SNX29: variants seen among roughly 807,000 people sequenced by gnomAD.
SNX29 encodes sorting nexin-29.
Under a neutral mutation model 102.1 loss-of-function variants are expected in SNX29, and 78 were observed. That is an observed-to-expected ratio of 0.76 (90% CI 0.64 to 0.92). The LOEUF is 0.92. SNX29 is among the 40% of genes least tolerant of loss of function. SNX29 has a pLI of 0.00. For missense variants in SNX29, 1,280 were observed against 1,061.7 expected (o/e 1.21, Z -2.86); for synonymous variants, 580 against 414.5 (o/e 1.40, Z -4.85).
rs554197713 is a variant in SNX29 at position 12,559,379 on chromosome 16, C to T, written c.2319-9127C>T. On this transcript the variant is annotated intron_variant, in intron 20 of 20. Coordinates refer to ENST00000566228, the MANE Select transcript of SNX29 (RefSeq NM_032167.5). ...GAGAATCTCATGCCTGATGATCTCT[C>T]ACCCTCTCCCATCGCCCCCTGAAGG... Among the ~76,000 whole-genome samples the T allele has an allele frequency of 2.6e-5, 4 of 151,564 alleles. No individual in the cohort carries two copies. The East Asian group carries it at 5.8e-4, about 22-fold the overall frequency.
At chr16:12,232,293 G>A (rs2077792642) in intron 14 of SNX29, among the ~76,000 whole-genome samples, 1 of 152,196 alleles carries the variant, frequency 6.6e-6, no homozygotes, top group African/African-American at 2.4e-5. Flanking sequence ...TTGGGAGGCC[G>A]AGGTGGGCAA....
intron 16 of SNX29, among the ~76,000 whole-genome samples, chr16:12,387,103 C>T (rs927144511): frequency 2.0e-5 from 3 of 148,428 alleles, no homozygotes; most frequent in East Asian, 2.0e-4. Flanking sequence ...CCAGCCTGGG[C>T]GACAGAGTGA....
intron 16 of SNX29, among the ~76,000 whole-genome samples, chr16:12,359,678 T>C (rs2082246082): frequency 6.6e-6 from 1 of 152,232 alleles, no homozygotes; most frequent in African/African-American, 2.4e-5. Context: ...CTCAAGGTCA[T>C]TCTTGCTTTG....
rs181854937 is a variant in SNX29 at position 12,022,589 on chromosome 16, C to T, written c.123-4731C>T. ...AGCATTTCCATTATCCCCCCAAATT[C>T]CCTTGTGCTAGTTAACACTTAATCC... On this transcript the variant is annotated intron_variant, in intron 3 of 20. Coordinates refer to ENST00000566228, the MANE Select transcript of SNX29 (RefSeq NM_032167.5). Among the ~76,000 whole-genome samples, 61 of 152,258 alleles carry T rather than the reference C, an allele frequency of 4.0e-4. 1 individual carries two copies. Among genetic ancestry groups the T allele is most frequent in the Admixed American group, 7.9e-4 (12 of 15,282 alleles).
intron 15 of SNX29, among the ~76,000 whole-genome samples, chr16:12,351,551 T>G (rs187599534): frequency 1.3e-5 from 2 of 152,308 alleles, no homozygotes; most frequent in Admixed American, 1.3e-4. Flanking sequence ...GGAGGGAACA[T>G]TCTGATATGA....
chr16:12,570,634 C>T lies in SNX29; in HGVS notation c.*2005C>T, dbSNP rs761185623. 7 of 232,138 alleles carry T rather than the reference C, an allele frequency of 3.0e-5. No homozygotes were observed. Among genetic ancestry groups the T allele is most frequent in the Non-Finnish European group, 6.0e-5 (7 of 117,456 alleles). The allele number at this position is 232,138 out of a possible 1,614,324, so 14.4% of individuals were successfully genotyped here. On this transcript the variant is annotated 3_prime_UTR_variant, in exon 21 of 21. Transcript: ENST00000566228. ...CCTGTTCTCTGTTGGATAAAGGAAC[C>T]TCCCCCATCTGTGACATTCCCTTGG...
At chr16:12,358,431 A>G (rs942607100) in intron 16 of SNX29, among the ~76,000 whole-genome samples, 1 of 152,116 alleles carries the variant, frequency 6.6e-6, no homozygotes, top group Non-Finnish European at 1.5e-5. Flanking sequence ...TTAGCCAGGC[A>G]TGTGGTGGGC....
intron 20 of SNX29, among the ~76,000 whole-genome samples, chr16:12,532,589 C>T (rs1322717031): frequency 2.0e-5 from 3 of 152,004 alleles, no homozygotes; most frequent in Admixed American, 6.5e-5. Context: ...ATCTGAAATC[C>T]CAGTCTGTCT....
At chr16:12,289,565 C>G (rs1342840895) in intron 15 of SNX29, among the ~76,000 whole-genome samples, 1 of 152,182 alleles carries the variant, frequency 6.6e-6, no homozygotes, top group East Asian at 1.9e-4. Flanking sequence ...TTCTGTTTCG[C>G]TTCCATTTCT....
At chr16:12,479,296 C>G (rs1424125483) in intron 19 of SNX29, among the ~76,000 whole-genome samples, 1 of 152,224 alleles carries the variant, frequency 6.6e-6, no homozygotes, top group African/African-American at 2.4e-5. Flanking sequence ...TCAGGAGGTA[C>G]CGTGCTAGCA....
chr16:12,328,836 A>G (rs2081202699), intron 15 of SNX29, among the ~76,000 whole-genome samples: 1 of 152,178 alleles, frequency 6.6e-6, no homozygotes, highest in South Asian at 2.1e-4. Context: ...CATGTAACAG[A>G]CAATTCTGAG....
At chr16:12,329,748 G>A (rs2081240957) in intron 15 of SNX29, among the ~76,000 whole-genome samples, 1 of 152,226 alleles carries the variant, frequency 6.6e-6, no homozygotes, top group African/African-American at 2.4e-5. Flanking sequence ...TGGGATTGAG[G>A]TGTTGGCACA....
At chr16:12,460,323 G>C (rs1180391790) in intron 18 of SNX29, among the ~76,000 whole-genome samples, 1 of 152,210 alleles carries the variant, frequency 6.6e-6, no homozygotes, top group Non-Finnish European at 1.5e-5. Flanking sequence ...AGAGTTGAGT[G>C]CCTTGCTTGT....
intron 1 of SNX29, among the ~76,000 whole-genome samples, chr16:11,988,578 T>C (rs2055722784): frequency 6.6e-6 from 1 of 152,096 alleles, no homozygotes; most frequent in Non-Finnish European, 1.5e-5. Flanking sequence ...TAAAAAACTT[T>C]TTGTAGGGAC....
At chr16:12,251,016 C>T (rs1308954122) in intron 14 of SNX29, among the ~76,000 whole-genome samples, 2 of 152,254 alleles carry the variant, frequency 1.3e-5, no homozygotes, top group Non-Finnish European at 2.9e-5. Context: ...CCTTCTTCAC[C>T]TTCAGGGCCC....
At chr16:12,540,979 G>A (rs2077308551) in intron 20 of SNX29, among the ~76,000 whole-genome samples, 1 of 152,188 alleles carries the variant, frequency 6.6e-6, no homozygotes, top group African/African-American at 2.4e-5. Flanking sequence ...GGATGCTACA[G>A]GGGAAAAATG....
At chr16:12,533,694 T>C (rs564374753) in intron 20 of SNX29, among the ~76,000 whole-genome samples, 16 of 152,212 alleles carry the variant, frequency 1.1e-4, no homozygotes, top group Admixed American at 1.0e-3. Flanking sequence ...CTCTGTCGAC[T>C]GGATGCCTTG....
intron 19 of SNX29, among the ~76,000 whole-genome samples, chr16:12,509,521 G>A (rs982327060): frequency 6.6e-5 from 10 of 152,222 alleles, no homozygotes; most frequent in African/African-American, 1.7e-4. Flanking sequence ...TCGGAACCCC[G>A]TATCCTGTCT....
chr16:12,227,237 G>A (rs918912611), intron 14 of SNX29, among the ~76,000 whole-genome samples: 2 of 152,236 alleles, frequency 1.3e-5, no homozygotes, highest in Middle Eastern at 3.4e-3. Context: ...TGAATGTTCC[G>A]ATCATGACCG....
Sources: gnomAD v4.1 joint callset for allele counts (sites outside exome capture counted in the v4.1 genomes callset) on GRCh38, gnomAD v4.1.1 for gene constraint, MANE v1.5 for transcripts, NCBI Gene and HGNC (gene_info 2026-07-23, HGNC 2026-07-21) for gene names.